The following DAPK2 variants were observed in gnomAD, a reference collection of about 807,000 sequenced individuals.
DAPK2 encodes death-associated protein kinase 2.
In DAPK2, 35 loss-of-function variants were observed where a neutral mutation model predicts 44.1. The ratio of observed to expected loss-of-function variants is 0.79; its 90% CI spans 0.61 to 1.05. The LOEUF (loss-of-function observed/expected upper bound fraction) is 1.05. Among genes scored for constraint, DAPK2 ranks in the 50% least tolerant of loss-of-function variants. The probability of loss-of-function intolerance (pLI) is 0.00; values close to 1 mark genes in which losing one functional copy is unlikely to be tolerated. For synonymous variants in DAPK2, 174 were observed against 182.6 expected (o/e 0.95, Z 0.38); for missense variants, 453 against 483.2 (o/e 0.94, Z 0.59).
intron 1 of DAPK2, among the ~76,000 whole-genome samples, chr15:64,011,940 C>T (rs1310788003): frequency 5.3e-5 from 8 of 152,124 alleles, no homozygotes; most frequent in Non-Finnish European, 8.8e-5. Flanking sequence ...CTTCTTGGGC[C>T]CTCAGCCCAG....
chr15:63,964,325 G>C (rs2077992064), intron 3 of DAPK2, among the ~76,000 whole-genome samples: 1 of 152,152 alleles, frequency 6.6e-6, no homozygotes, highest in African/African-American at 2.4e-5. Flanking sequence ...AGACATATTG[G>C]AGTTTCATCG....
intron 1 of DAPK2, among the ~76,000 whole-genome samples, chr15:64,036,223 T>C (rs1429596673): frequency 6.8e-6 from 1 of 148,078 alleles, no homozygotes; most frequent in Non-Finnish European, 1.5e-5. Context: ...ATCTCACCAC[T>C]GCACTCCAAC....
chr15:64,001,149 G>A (rs2079075053), intron 1 of DAPK2, among the ~76,000 whole-genome samples: 1 of 151,354 alleles, frequency 6.6e-6, no homozygotes, highest in Non-Finnish European at 1.5e-5. Flanking sequence ...AGTGCTGCAA[G>A]TGCAGGCATG....
intron 1 of DAPK2, among the ~76,000 whole-genome samples, chr15:64,024,139 C>A (rs1054268634): frequency 1.3e-5 from 2 of 152,174 alleles, no homozygotes; most frequent in East Asian, 3.9e-4. Context: ...AACTTTAAGC[C>A]ATTTCCTTCT....
At chr15:63,969,975 T>A (rs2078166258) in intron 3 of DAPK2, among the ~76,000 whole-genome samples, 1 of 152,068 alleles carries the variant, frequency 6.6e-6, no homozygotes, top group Admixed American at 6.5e-5. Context: ...CCCTCCTTCA[T>A]CTCTACCTCT....
intron 1 of DAPK2, among the ~76,000 whole-genome samples, chr15:63,987,647 A>G (rs768545975): frequency 2.6e-5 from 4 of 152,216 alleles, no homozygotes; most frequent in Non-Finnish European, 5.9e-5. Context: ...TTTTCAGTTC[A>G]TGTTTCTCCA....
chr15:64,044,380 A>AC (rs2080413336), upstream of DAPK2, among the ~76,000 whole-genome samples: 1 of 152,238 alleles, frequency 6.6e-6, no homozygotes, highest in South Asian at 2.1e-4. Flanking sequence ...CTTCAGGATC[A>AC]CCAGGGTGAG....
At chr15:64,010,586 G>A (rs1040936744) in intron 1 of DAPK2, among the ~76,000 whole-genome samples, 1 of 152,146 alleles carries the variant, frequency 6.6e-6, no homozygotes, top group African/African-American at 2.4e-5. Flanking sequence ...GACCACTTCA[G>A]GCAAAGTCCC....
intron 1 of DAPK2, among the ~76,000 whole-genome samples, chr15:64,008,204 T>C (rs893681263): frequency 2.3e-5 from 2 of 86,872 alleles, no homozygotes; most frequent in Non-Finnish European, 4.0e-5. Context: ...TGTATATAAA[T>C]TATATCTGTT....
chr15:63,922,034 C>T (rs2079087257), intron 8 of DAPK2: 2 of 152,560 alleles, frequency 1.3e-5, no homozygotes, highest in African/African-American at 4.8e-5. Flanking sequence ...CTACTTTCTC[C>T]CATATACCTC....
chr15:63,954,153 A>C (rs1171855824), intron 3 of DAPK2, among the ~76,000 whole-genome samples: 2 of 151,934 alleles, frequency 1.3e-5, no homozygotes, highest in African/African-American at 4.8e-5. Flanking sequence ...AAGCTTTTTA[A>C]CTTGATGTGA....
rs143450907 is a variant in DAPK2 at position 64,023,604 on chromosome 15, T to C, written c.92+16566A>G. Among the ~76,000 whole-genome samples the C allele has an allele frequency of 7.1e-4, 108 of 152,278 alleles. 5 individuals carry two copies. Among genetic ancestry groups the C allele is most frequent in the African/African-American group, 2.5e-3 (103 of 41,550 alleles). ...AAGTACCATTTTGAAGAACTGATGGTGGATCCAGTTGCACATTCTGCTCAA... is the reference window on the plus strand; with the variant it reads ...AAGTACCATTTTGAAGAACTGATGGCGGATCCAGTTGCACATTCTGCTCAA... On this transcript the variant is annotated intron_variant, in intron 1 of 10. Transcript: ENST00000261891.
At chr15:63,992,110 C>A (rs1228153224) in intron 1 of DAPK2, among the ~76,000 whole-genome samples, 1 of 152,142 alleles carries the variant, frequency 6.6e-6, no homozygotes, top group East Asian at 1.9e-4. Context: ...AGTATGACAA[C>A]TATTTTTTAA....
intron 1 of DAPK2, among the ~76,000 whole-genome samples, chr15:64,032,380 C>T (rs1043279154): frequency 3.9e-5 from 6 of 152,156 alleles, no homozygotes; most frequent in South Asian, 2.1e-4. Context: ...AAGTCATATA[C>T]GTTTTGTGGG....
chr15:63,968,161 G>A (rs2078108003), intron 3 of DAPK2, among the ~76,000 whole-genome samples: 1 of 152,196 alleles, frequency 6.6e-6, no homozygotes, highest in Admixed American at 6.5e-5. Context: ...GAATGTTCCA[G>A]CCAGGAGGCA....
chr15:64,025,082 G>A (rs1200608231), intron 1 of DAPK2, among the ~76,000 whole-genome samples: 2 of 151,942 alleles, frequency 1.3e-5, no homozygotes, highest in African/African-American at 4.8e-5. Flanking sequence ...CACCTTCCCT[G>A]TTCTCTGGAG....
chr15:63,965,779 A>G (rs936275549), intron 3 of DAPK2, among the ~76,000 whole-genome samples: 1 of 152,178 alleles, frequency 6.6e-6, no homozygotes, highest in African/African-American at 2.4e-5. Context: ...GCCAGTGCAC[A>G]TTCAAGGCCC....
At chr15:63,956,980 T>C (rs1020836940) in intron 3 of DAPK2, among the ~76,000 whole-genome samples, 2 of 152,262 alleles carry the variant, frequency 1.3e-5, no homozygotes, top group African/African-American at 4.8e-5. Context: ...CTGCAACTAT[T>C]AGATGAAACG....
Position 63,937,968 on chromosome 15 carries a change from G to A in DAPK2, c.583+1264C>T, listed in dbSNP as rs574088265. Among the ~76,000 whole-genome samples the A allele has an allele frequency of 1.1e-4, 16 of 152,212 alleles. No homozygotes were observed. The South Asian group carries it at 2.5e-3, about 24-fold the overall frequency. On this transcript the variant is annotated intron_variant, in intron 4 of 10. Coordinates refer to ENST00000261891, the Ensembl canonical transcript of DAPK2. ...ATTCTGAGTATGGCTCCTTAACATC[G>A]CTGTGTCCCCCATACATCACCTAAT... is the stretch of plus-strand genomic sequence containing the variant.
Sources: allele counts gnomAD v4.1 joint callset (sites outside exome capture counted in the v4.1 genomes callset), GRCh38; gene constraint gnomAD v4.1.1; transcripts MANE v1.5; gene names NCBI Gene and HGNC (gene_info 2026-07-23, HGNC 2026-07-21).